The following SLC38A12 variants were observed in gnomAD, a reference collection of about 807,000 sequenced individuals.
SLC38A12 encodes solute carrier family 38 member 12, also known as putative sodium-coupled neutral amino acid transporter 12.
the SLC38A12 span, chr17:74,836,663 C>G: frequency 6.2e-7 from 1 of 1,606,992 alleles, no homozygotes; most frequent in Non-Finnish European, 8.5e-7. The surrounding 1 kb of genome is among the most constrained non-coding windows in gnomAD (Gnocchi z 4.2). Flanking sequence ...CGGCCAATAT[C>G]ATCCTCAGCG....
the SLC38A12 span, among the ~76,000 whole-genome samples, chr17:74,795,796 AT>A: frequency 2.0e-5 from 3 of 152,150 alleles, no homozygotes; most frequent in Non-Finnish European, 2.9e-5. Flanking sequence ...GCAGAAATGG[AT>A]CGTGTCACTA....
At chr17:74,811,744 T>C in the SLC38A12 span, among the ~76,000 whole-genome samples, 9 of 144,890 alleles carry the variant, frequency 6.2e-5, no homozygotes, top group Non-Finnish European at 1.4e-4. Context: ...AAAAGAATAG[T>C]ATTGGGGCTA....
At chr17:74,779,085 A>G in the SLC38A12 span, among the ~76,000 whole-genome samples, 4 of 152,198 alleles carry the variant, frequency 2.6e-5, no homozygotes, top group African/African-American at 9.7e-5. Context: ...TATGCTGTCT[A>G]TTAATGTAAA....
the SLC38A12 span, among the ~76,000 whole-genome samples, chr17:74,804,768 A>G: frequency 0.23 from 34,845 of 152,190 alleles, 4,518 homozygotes; most frequent in East Asian, 0.42. Context: ...AGGGACTGGT[A>G]TTGGGTGTTG....
the SLC38A12 span, chr17:74,777,680 G>A: frequency 8.0e-7 from 1 of 1,257,072 alleles, no homozygotes; most frequent in East Asian, 4.8e-5. Flanking sequence ...AGCACTTTGG[G>A]AGGCTGAAGC....
At chr17:74,787,962 T>C in the SLC38A12 span, among the ~76,000 whole-genome samples, 1 of 152,044 alleles carries the variant, frequency 6.6e-6, no homozygotes, top group Non-Finnish European at 1.5e-5. Flanking sequence ...CCCAGCTAAT[T>C]TTTTTGTATT....
At chr17:74,791,724 C>A in the SLC38A12 span, among the ~76,000 whole-genome samples, 1 of 152,252 alleles carries the variant, frequency 6.6e-6, no homozygotes, top group African/African-American at 2.4e-5. Flanking sequence ...TGCTGGTGAA[C>A]CTGCTCCTTC....
At chr17:74,835,905 A>T in the SLC38A12 span, 1 of 1,577,952 alleles carries the variant, frequency 6.3e-7, no homozygotes. Flanking sequence ...CCACCAGGTG[A>T]CTCCTCTCTC....
the SLC38A12 span, among the ~76,000 whole-genome samples, chr17:74,820,402 C>T: frequency 1.2e-4 from 19 of 152,350 alleles, no homozygotes; most frequent in African/African-American, 3.6e-4. Flanking sequence ...AGCATGAGTG[C>T]CATTGTCCTC....
At chr17:74,815,220 T>G in the SLC38A12 span, among the ~76,000 whole-genome samples, 70 of 152,110 alleles carry the variant, frequency 4.6e-4, no homozygotes, top group Middle Eastern at 3.4e-3. Flanking sequence ...TGAAACCATG[T>G]GTGTTAGCGC....
the SLC38A12 span, among the ~76,000 whole-genome samples, chr17:74,781,824 A>G: frequency 1.3e-4 from 20 of 152,304 alleles, no homozygotes; most frequent in Non-Finnish European, 2.6e-4. Context: ...GGCTCTTCGC[A>G]GTCTGACTGC....
At chr17:74,826,029 C>T in the SLC38A12 span, among the ~76,000 whole-genome samples, 1 of 152,206 alleles carries the variant, frequency 6.6e-6, no homozygotes, top group East Asian at 1.9e-4. Flanking sequence ...GAGCAGCCTG[C>T]AGGAAAGGTG....
chr17:74,836,992 C>A, the SLC38A12 span: 1 of 1,181,284 alleles, frequency 8.5e-7, no homozygotes. This position sits in a 1 kb window ranked among gnomAD's most constrained non-coding sequence, Gnocchi z 4.2. Context: ...CACGCTTCAC[C>A]CCCAACCCTA....
At chr17:74,820,158 G>A in the SLC38A12 span, among the ~76,000 whole-genome samples, 1 of 152,244 alleles carries the variant, frequency 6.6e-6, no homozygotes, top group African/African-American at 2.4e-5. Context: ...CAACCATGCT[G>A]GGTGCCCACT....
At chr17:74,836,484 G>T in the SLC38A12 span, 1 of 1,610,554 alleles carries the variant, frequency 6.2e-7, no homozygotes. This position sits in a 1 kb window ranked among gnomAD's most constrained non-coding sequence, Gnocchi z 4.2. Context: ...GGCCTACGCG[G>T]GCACCGGCAT....
At chr17:74,814,963 A>G in the SLC38A12 span, among the ~76,000 whole-genome samples, 1 of 152,198 alleles carries the variant, frequency 6.6e-6, no homozygotes, top group East Asian at 1.9e-4. Context: ...GAGGATTAAA[A>G]TAACTTGTAG....
chr17:74,791,730 C>G, the SLC38A12 span, among the ~76,000 whole-genome samples: 214 of 152,362 alleles, frequency 1.4e-3, 1 homozygote, highest in Middle Eastern at 6.8e-3. Context: ...TGAACCTGCT[C>G]CTTCCTGGGA....
At chr17:74,838,242 T>C in the SLC38A12 span, 8 of 985,680 alleles carry the variant, frequency 8.1e-6, no homozygotes, top group African/African-American at 3.5e-5. Context: ...CGTGTCACTT[T>C]CCATCCACGG....
At chr17:74,822,645 G>C in the SLC38A12 span, among the ~76,000 whole-genome samples, 1 of 152,218 alleles carries the variant, frequency 6.6e-6, no homozygotes, top group East Asian at 1.9e-4. Flanking sequence ...TTCTCCATGA[G>C]AGACTCAGAC....
Sources: gnomAD v4.1 joint callset for allele counts (sites outside exome capture counted in the v4.1 genomes callset) on GRCh38, gnomAD v4.1.1 for gene constraint, Gnocchi (gnomAD v3.1) non-coding constraint, MANE v1.5 for transcripts, NCBI Gene and HGNC (gene_info 2026-07-23, HGNC 2026-07-21) for gene names.